Variants in TCF4 observed in about 807,000 individuals in gnomAD.
The protein encoded by TCF4 is transcription factor 4.
A neutral mutation model predicts 82.1 loss-of-function variants in TCF4; 3 were observed. The observed-to-expected ratio is 0.04, with a 90% CI of 0.02 to 0.09. The LOEUF (loss-of-function observed/expected upper bound fraction) is 0.09. Among genes scored for constraint, TCF4 ranks in the 10% least tolerant of loss-of-function variants. The pLI, the probability that TCF4 is intolerant of heterozygous loss-of-function variation, is 1.00. For missense variants in TCF4, 518 were observed against 852.7 expected (o/e 0.61, Z 4.89); for synonymous variants, 276 against 309.6 (o/e 0.89, Z 1.14).
At chr18:55,408,963 A>G (rs981414361) in intron 5 of TCF4, among the ~76,000 whole-genome samples, 1 of 152,238 alleles carries the variant, frequency 6.6e-6, no homozygotes, top group African/African-American at 2.4e-5. Flanking sequence ...ATGGTGTTTT[A>G]TTCCTAAAAG....
chr18:55,348,181 G>A (rs1318074089), intron 8 of TCF4, among the ~76,000 whole-genome samples: 1 of 152,156 alleles, frequency 6.6e-6, no homozygotes, highest in Admixed American at 6.6e-5. Context: ...TTACAACAAA[G>A]CTTACATAAA....
intron 5 of TCF4, among the ~76,000 whole-genome samples, chr18:55,428,181 T>C (rs1260350505): frequency 6.6e-6 from 1 of 152,174 alleles, no homozygotes; most frequent in Non-Finnish European, 1.5e-5. Flanking sequence ...TCTTCCTTGA[T>C]GACCAAAAAA....
intron 3 of TCF4, among the ~76,000 whole-genome samples, chr18:55,562,528 T>C (rs1055827218): frequency 2.0e-5 from 3 of 152,154 alleles, no homozygotes; most frequent in Non-Finnish European, 2.9e-5. Flanking sequence ...GACAAGAAGT[T>C]AGTTCCCCTC....
intron 5 of TCF4, among the ~76,000 whole-genome samples, chr18:55,439,204 A>G (rs1325198133): frequency 1.3e-5 from 2 of 152,208 alleles, no homozygotes; most frequent in African/African-American, 4.8e-5. Context: ...CTTCGTGGCC[A>G]CTGGTGGGGA....
At chr18:55,572,794 C>A (rs2097486801) in intron 3 of TCF4, among the ~76,000 whole-genome samples, 1 of 152,136 alleles carries the variant, frequency 6.6e-6, no homozygotes, top group African/African-American at 2.4e-5. Flanking sequence ...TGGCTCACGC[C>A]TGTAATCCCA....
intron 3 of TCF4, among the ~76,000 whole-genome samples, chr18:55,487,087 T>A (rs1435405095): frequency 1.3e-5 from 2 of 152,206 alleles, no homozygotes; most frequent in East Asian, 3.8e-4. Context: ...TTTAAGGTGC[T>A]CAGGATCTGT....
At chr18:55,465,703 A>C (rs988956924) in intron 3 of TCF4, among the ~76,000 whole-genome samples, 24 of 152,150 alleles carry the variant, frequency 1.6e-4, no homozygotes, top group Non-Finnish European at 2.6e-4. Context: ...CACATAAATA[A>C]ATTTTGTAGC....
chr18:55,423,772 C>T (rs764254374), intron 5 of TCF4, among the ~76,000 whole-genome samples: 5 of 152,000 alleles, frequency 3.3e-5, no homozygotes, highest in Admixed American at 6.6e-5. Flanking sequence ...CTCCTCAGCT[C>T]CCCCCGGACC....
rs534381878 is a variant in TCF4 at position 55,563,693 on chromosome 18, T to C, written c.145+21587A>G. On this transcript the variant is annotated intron_variant, in intron 3 of 19. Coordinates refer to ENST00000354452, the MANE Select transcript of TCF4 (RefSeq NM_001083962.2). ...TCCTCTTCAGTGACTCGGGGATAAC[T>C]AGATTTCAGGGCCTAACATACGATA... Among the ~76,000 whole-genome samples the C allele has an allele frequency of 4.1e-4, 63 of 152,346 alleles. No individual in the cohort carries two copies. In the South Asian group the frequency reaches 5.6e-3, roughly 14 times the overall value.
chr18:55,370,206 T>C (rs1226809638), intron 6 of TCF4, among the ~76,000 whole-genome samples: 3 of 152,110 alleles, frequency 2.0e-5, no homozygotes, highest in Non-Finnish European at 4.4e-5. Context: ...GAAAGCAGCC[T>C]AAGCAGCACA....
chr18:55,305,708 T>A (rs1027207716), intron 8 of TCF4, among the ~76,000 whole-genome samples: 1 of 152,172 alleles, frequency 6.6e-6, no homozygotes, highest in Non-Finnish European at 1.5e-5. Flanking sequence ...ATGCTTACGA[T>A]TTCCTCTGCC....
chr18:55,296,102 A>G (rs1281779359), intron 8 of TCF4, among the ~76,000 whole-genome samples: 2 of 151,294 alleles, frequency 1.3e-5, no homozygotes, highest in Non-Finnish European at 2.9e-5. Context: ...AAAGTACATT[A>G]AAGTGTTTTT....
chr18:55,333,175 G>A (rs1214022404), intron 8 of TCF4, among the ~76,000 whole-genome samples: 4 of 152,082 alleles, frequency 2.6e-5, no homozygotes, highest in Non-Finnish European at 4.4e-5. Context: ...ATATCAAAGA[G>A]ACACCTGGTA....
intron 5 of TCF4, among the ~76,000 whole-genome samples, chr18:55,447,031 C>G (rs2095538767): frequency 6.6e-6 from 1 of 150,930 alleles, no homozygotes; most frequent in Non-Finnish European, 1.5e-5. Flanking sequence ...CTTAGCCAAG[C>G]TGGACACAGT....
chr18:55,465,719 C>T (rs1399195830), intron 3 of TCF4, among the ~76,000 whole-genome samples: 2 of 152,164 alleles, frequency 1.3e-5, no homozygotes, highest in African/African-American at 2.4e-5. Context: ...GTAGCCTACA[C>T]GGTTCTCTTA....
chr18:55,413,559 T>C (rs1027996314), intron 5 of TCF4, among the ~76,000 whole-genome samples: 3 of 152,150 alleles, frequency 2.0e-5, no homozygotes, highest in Non-Finnish European at 2.9e-5. Context: ...GCACTAGTTA[T>C]TGTTCAAGGA....
At chr18:55,372,020 T>G (rs549639740) in intron 6 of TCF4, among the ~76,000 whole-genome samples, 1 of 152,346 alleles carries the variant, frequency 6.6e-6, no homozygotes. Flanking sequence ...TCTCCTTCCT[T>G]ATAAGGTACT....
Position 55,458,997 on chromosome 18 carries a change from A to C in TCF4, c.304+2022T>G, listed in dbSNP as rs530634074. 8.5e-5 allele frequency among the ~76,000 whole-genome samples: 13 copies of C among 152,304 alleles called. 1 individual carries two copies. The South Asian group carries it at 2.7e-3, about 32-fold the overall frequency. On this transcript the variant is annotated intron_variant, in intron 5 of 19. Transcript: ENST00000354452. ...CGAGGTGGAAAATGTAGCAGTTTGT[A>C]AACAATAAAGAGCCATGTTTCAAAC... is the stretch of plus-strand genomic sequence containing the variant.
At chr18:55,359,652 A>G (rs2084572763) in intron 6 of TCF4, among the ~76,000 whole-genome samples, 1 of 152,182 alleles carries the variant, frequency 6.6e-6, no homozygotes, top group Non-Finnish European at 1.5e-5. Context: ...CCATCTCTAT[A>G]TTCAGTCTTG....
Sources: allele counts gnomAD v4.1 joint callset (sites outside exome capture counted in the v4.1 genomes callset), GRCh38; gene constraint gnomAD v4.1.1; transcripts MANE v1.5; gene names NCBI Gene and HGNC (gene_info 2026-07-23, HGNC 2026-07-21).